The following MACROD2 variants were observed in gnomAD, a reference collection of about 807,000 sequenced individuals.
MACROD2 encodes mono-ADP ribosylhydrolase 2.
MACROD2 carries 36 observed loss-of-function variants against 70.4 expected under a neutral mutation model. The ratio of observed to expected loss-of-function variants is 0.51; its 90% CI spans 0.39 to 0.68. MACROD2 has a LOEUF of 0.68. MACROD2 is among the 30% of genes least tolerant of loss of function. The pLI, the probability that MACROD2 is intolerant of heterozygous loss-of-function variation, is 0.00. For missense variants in MACROD2, 496 were observed against 538.4 expected, an observed-to-expected ratio of 0.92 and a Z score of 0.78; for synonymous variants, 172 against 178.8, an observed-to-expected ratio of 0.96 and a Z score of 0.30.
intron 4 of MACROD2, among the ~76,000 whole-genome samples, chr20:14,646,134 G>A (rs1985380210): frequency 6.7e-6 from 1 of 149,464 alleles, no homozygotes; most frequent in South Asian, 2.1e-4. Flanking sequence ...TACAATCATA[G>A]CCTTAAGATC....
intron 3 of MACROD2, among the ~76,000 whole-genome samples, chr20:14,310,688 A>G (rs2082559507): frequency 6.6e-6 from 1 of 152,186 alleles, no homozygotes; most frequent in Non-Finnish European, 1.5e-5. Flanking sequence ...GTATTCCAGA[A>G]GAAGGCATTG....
chr20:15,875,625 G>A (rs78866098), intron 9 of MACROD2, among the ~76,000 whole-genome samples: 1 of 151,846 alleles, frequency 6.6e-6, no homozygotes, highest in South Asian at 2.1e-4. Flanking sequence ...GGAACAAGCA[G>A]CCGGCATAGA....
chr20:14,181,646 C>G (rs1475743909), intron 3 of MACROD2, among the ~76,000 whole-genome samples: 5 of 151,996 alleles, frequency 3.3e-5, no homozygotes, highest in African/African-American at 1.2e-4. Context: ...TCCCATTTCC[C>G]CTCCTCCAGC....
intron 4 of MACROD2, among the ~76,000 whole-genome samples, chr20:14,617,381 C>G: frequency 6.6e-6 from 1 of 152,056 alleles, no homozygotes; most frequent in East Asian, 1.9e-4. Context: ...ACTTGCCTGC[C>G]TCCTTATATT....
At chr20:15,830,276 C>T (rs2064040961) in intron 8 of MACROD2, among the ~76,000 whole-genome samples, 1 of 152,186 alleles carries the variant, frequency 6.6e-6, no homozygotes, top group Admixed American at 6.5e-5. Flanking sequence ...CCACAGCATA[C>T]AAAGTCACAA....
intron 15 of MACROD2, among the ~76,000 whole-genome samples, chr20:16,039,864 G>A (rs762866397): frequency 3.9e-5 from 6 of 151,920 alleles, no homozygotes; most frequent in Non-Finnish European, 8.8e-5. Flanking sequence ...TGTCCTTGAA[G>A]AGTTGAGGAG....
Position 14,963,926 on chromosome 20 carries a change from G to C in MACROD2, c.419-266014G>C, listed in dbSNP as rs536831425. Among the ~76,000 whole-genome samples, 11 of 152,208 alleles carry C rather than the reference G, an allele frequency of 7.2e-5. No homozygotes were observed. The South Asian group carries it at 1.7e-3, about 23-fold the overall frequency. On this transcript the variant is annotated intron_variant, in intron 5 of 17. Transcript: ENST00000684519. ...GAGGGAAATGCATAGGATATCAATG[G>C]CTTGATAAATATTTACAGCAATAAA... is the stretch of plus-strand genomic sequence containing the variant.
At chr20:15,504,875 G>A (rs2047406388) in intron 8 of MACROD2, among the ~76,000 whole-genome samples, 1 of 152,178 alleles carries the variant, frequency 6.6e-6, no homozygotes, top group South Asian at 2.1e-4. Flanking sequence ...TTCTAAGTTG[G>A]GGTGGCTGCT....
chr20:15,324,032 G>A (rs6043208), intron 6 of MACROD2, among the ~76,000 whole-genome samples: 1 of 151,928 alleles, frequency 6.6e-6, no homozygotes, highest in Admixed American at 6.6e-5. Flanking sequence ...AATGTGACAA[G>A]GAACAAGATC....
intron 10 of MACROD2, among the ~76,000 whole-genome samples, chr20:15,927,178 A>G (rs1050517475): frequency 6.6e-6 from 1 of 152,200 alleles, no homozygotes; most frequent in Non-Finnish European, 1.5e-5. Context: ...ATCATACTTC[A>G]TCTGCCTAGA....
intron 3 of MACROD2, among the ~76,000 whole-genome samples, chr20:14,462,992 G>A (rs1320337992): frequency 6.6e-6 from 1 of 151,350 alleles, no homozygotes; most frequent in African/African-American, 2.4e-5. Flanking sequence ...TTGTTCTTTT[G>A]GCTTAGGATT....
At chr20:15,240,018 A>G (rs1329436878) in intron 6 of MACROD2, among the ~76,000 whole-genome samples, 1 of 152,168 alleles carries the variant, frequency 6.6e-6, no homozygotes, top group Non-Finnish European at 1.5e-5. Flanking sequence ...TCATTGGTGA[A>G]CAGCAGGGGG....
intron 10 of MACROD2, among the ~76,000 whole-genome samples, chr20:15,902,916 T>G (rs2065086807): frequency 6.6e-6 from 1 of 151,948 alleles, no homozygotes; most frequent in South Asian, 2.1e-4. Flanking sequence ...TGTATGAGTG[T>G]GGGAGTGAGC....
intron 5 of MACROD2, among the ~76,000 whole-genome samples, chr20:14,821,842 T>C (rs2072848630): frequency 6.6e-6 from 1 of 152,058 alleles, no homozygotes; most frequent in Non-Finnish European, 1.5e-5. Context: ...CCTGGTGTAC[T>C]CATGAGTAAA....
In MACROD2 at chr20:15,204,344, G is replaced by A. The variant is rs1056397468; in HGVS notation, c.419-25596G>A. 6.6e-5 allele frequency among the ~76,000 whole-genome samples: 10 copies of A among 152,214 alleles called. No homozygotes were observed. In the East Asian group the frequency reaches 1.9e-3, roughly 29 times the overall value. The stretch of plus-strand genomic sequence containing the variant: ...TTAAGTGCAAAGATAATTGCAATGG[G>A]CAGCGTGAAAAGGGTTTGATTATTG... On this transcript the variant is annotated intron_variant, in intron 5 of 17. Transcript: ENST00000684519.
At chr20:15,456,204 TC>T (rs1431450874) in intron 7 of MACROD2, among the ~76,000 whole-genome samples, 1 of 152,148 alleles carries the variant, frequency 6.6e-6, no homozygotes, top group Non-Finnish European at 1.5e-5. Context: ...GATCCAACTC[TC>T]CCGACATCAT....
chr20:14,313,405 T>C (rs192065537), intron 3 of MACROD2, among the ~76,000 whole-genome samples: 2 of 150,998 alleles, frequency 1.3e-5, no homozygotes, highest in Admixed American at 1.3e-4. Context: ...TATTAAAGAT[T>C]TACTGTAAAC....
At chr20:15,724,212 G>A (rs1378987209) in intron 8 of MACROD2, among the ~76,000 whole-genome samples, 1 of 152,032 alleles carries the variant, frequency 6.6e-6, no homozygotes, top group African/African-American at 2.4e-5. Context: ...TATTCTCCCA[G>A]TCTGCATCTT....
chr20:14,456,779 C>T (rs1181403873), intron 3 of MACROD2, among the ~76,000 whole-genome samples: 3 of 128,902 alleles, frequency 2.3e-5, no homozygotes, highest in East Asian at 2.5e-4. Flanking sequence ...TGCAGTGGTG[C>T]GATCTCGGCT....
Sources: allele counts gnomAD v4.1 joint callset (sites outside exome capture counted in the v4.1 genomes callset), GRCh38; gene constraint gnomAD v4.1.1; transcripts MANE v1.5; gene names NCBI Gene and HGNC (gene_info 2026-07-23, HGNC 2026-07-21).